Variants in GUCA1C observed in about 807,000 individuals in gnomAD.
GUCA1C encodes guanylate cyclase activator 1C.
In GUCA1C, 15 loss-of-function variants were observed where a neutral mutation model predicts 16.2. The observed-to-expected ratio is 0.93, with a 90% CI of 0.62 to 1.43. The LOEUF (loss-of-function observed/expected upper bound fraction) is 1.43, where lower values mean the gene tolerates loss of function less well. Ranked by LOEUF, GUCA1C falls within the 40% of genes most tolerant of loss-of-function variation. The probability of loss-of-function intolerance (pLI) is 0.00; values close to 1 mark genes in which losing one functional copy is unlikely to be tolerated. For missense variants in GUCA1C, 275 were observed against 244.8 expected (o/e 1.12, Z -0.82); for synonymous variants, 78 against 85.4 (o/e 0.91, Z 0.48).
intron 1 of GUCA1C, among the ~76,000 whole-genome samples, chr3:108,922,939 AATG>A (rs1946583515): frequency 6.6e-6 from 1 of 152,062 alleles, no homozygotes; most frequent in Non-Finnish European, 1.5e-5. Context: ...GTTTGCTGAG[AATG>A]ATGGTTTCCA....
intron 1 of GUCA1C, among the ~76,000 whole-genome samples, chr3:108,953,273 G>C (rs1946914444): frequency 6.6e-6 from 1 of 152,100 alleles, no homozygotes; most frequent in South Asian, 2.1e-4. Flanking sequence ...TTATTTAAAT[G>C]ATAGCATTAG....
chr3:108,928,313 T>C (rs886756747), intron 1 of GUCA1C, among the ~76,000 whole-genome samples: 1 of 152,184 alleles, frequency 6.6e-6, no homozygotes, highest in East Asian at 1.9e-4. Context: ...TATTGTTGAG[T>C]TTTAGGAGTT....
At chr3:108,925,991 G>A (rs889115433) in intron 1 of GUCA1C, among the ~76,000 whole-genome samples, 1 of 152,114 alleles carries the variant, frequency 6.6e-6, no homozygotes, top group Non-Finnish European at 1.5e-5. Context: ...GGAGGCTGAG[G>A]CAGGAGAATC....
At chr3:108,923,910 T>C (rs2107289263) in intron 1 of GUCA1C, among the ~76,000 whole-genome samples, 1 of 152,270 alleles carries the variant, frequency 6.6e-6, no homozygotes, top group Non-Finnish European at 1.5e-5. Context: ...TTTTTGCAGC[T>C]ATTGTGAAAG....
At chr3:108,914,992 A>G (rs1185621901) in intron 3 of GUCA1C, among the ~76,000 whole-genome samples, 1 of 152,226 alleles carries the variant, frequency 6.6e-6, no homozygotes, top group African/African-American at 2.4e-5. Context: ...GGAGAGGCAG[A>G]TCTACACCGA....
chr3:108,913,978 A>C (rs2107275785), intron 3 of GUCA1C, among the ~76,000 whole-genome samples: 1 of 152,216 alleles, frequency 6.6e-6, no homozygotes, highest in Non-Finnish European at 1.5e-5. Context: ...AGGCAGAAGA[A>C]TTGCTTGAAC....
intron 1 of GUCA1C, among the ~76,000 whole-genome samples, chr3:108,936,339 CA>C (rs201470844): frequency 2.7e-5 from 4 of 148,506 alleles, no homozygotes; most frequent in South Asian, 2.1e-4. Flanking sequence ...ATTAATTTTT[CA>C]AAAAAAAAGA....
intron 1 of GUCA1C, among the ~76,000 whole-genome samples, chr3:108,952,569 CT>C (rs1328236407): frequency 6.6e-6 from 1 of 152,144 alleles, no homozygotes; most frequent in Non-Finnish European, 1.5e-5. Flanking sequence ...CTGTTACCTC[CT>C]TTTAAGTCAC....
intron 1 of GUCA1C, among the ~76,000 whole-genome samples, chr3:108,941,363 G>A (rs1946784391): frequency 1.3e-5 from 2 of 152,168 alleles, no homozygotes; most frequent in South Asian, 4.1e-4. Context: ...TGAACCTAAT[G>A]CTGACAACTG....
In GUCA1C at chr3:108,949,267, T is replaced by A. The variant is rs553031298; in HGVS notation, c.204+4292A>T. ...TAAGGAGTTTACTTGGAGAAATCCA[T>A]GTGTGGAAGGAAACAGGGAGGGAGT... On this transcript the variant is annotated intron_variant, in intron 1 of 3. Coordinates refer to ENST00000261047, the MANE Select transcript of GUCA1C (RefSeq NM_005459.4). Among the ~76,000 whole-genome samples the A allele has an allele frequency of 8.1e-4, 124 of 152,270 alleles. 3 individuals are homozygous for A. Among genetic ancestry groups the A allele is most frequent in the African/African-American group, 2.8e-3 (118 of 41,562 alleles).
chr3:108,917,297 TA>T (rs1156441824), intron 2 of GUCA1C, among the ~76,000 whole-genome samples: 2 of 152,122 alleles, frequency 1.3e-5, no homozygotes, highest in Admixed American at 1.3e-4. Flanking sequence ...AAAGTCATGA[TA>T]AAAAATTGTG....
chr3:108,953,552 A>C lies in GUCA1C; in HGVS notation c.204+7T>G, dbSNP rs1439927163. On this transcript the variant is annotated splice_region_variant and intron_variant, in intron 1 of 3. Coordinates refer to ENST00000261047, the MANE Select transcript of GUCA1C (RefSeq NM_005459.4). ...TTTCAAATGAAATGAAAAATGAAAG[A>C]TCTTACCTTGTTCGTGTCAAAGGTA... 6.4e-7 allele frequency: 1 copy of C among 1,562,126 alleles called. No individual in the cohort carries two copies. Among genetic ancestry groups the C allele is most frequent in the Non-Finnish European group, 8.8e-7 (1 of 1,133,050 alleles).
At chr3:108,952,831 A>G (rs567649110) in intron 1 of GUCA1C, among the ~76,000 whole-genome samples, 1 of 152,094 alleles carries the variant, frequency 6.6e-6, no homozygotes, top group Non-Finnish European at 1.5e-5. Flanking sequence ...GCAGAACCTG[A>G]GCCTGATATT....
rs569342979 is a variant in GUCA1C, at chr3:108,918,676, A to G, written c.354+1760T>C. The stretch of plus-strand genomic sequence containing the variant: ...ACTATCTCCTTTGTAGAGCCTGCCT[A>G]TACTGTGGTACTTCCTTGCAATCTC... On this transcript the variant is annotated intron_variant, in intron 2 of 3. Coordinates refer to ENST00000261047, the MANE Select transcript of GUCA1C (RefSeq NM_005459.4). Among the ~76,000 whole-genome samples, 29 of 152,286 alleles carry G rather than the reference A, an allele frequency of 1.9e-4. No homozygotes were observed. The East Asian group carries it at 2.3e-3, about 12-fold the overall frequency.
intron 1 of GUCA1C, among the ~76,000 whole-genome samples, chr3:108,939,679 T>C (rs1056553805): frequency 3.3e-5 from 5 of 151,908 alleles, no homozygotes; most frequent in African/African-American, 1.2e-4. Context: ...TCAGAAGAAC[T>C]GCTTCTGAAT....
At chr3:108,947,385 CA>C (rs1259657965) in intron 1 of GUCA1C, among the ~76,000 whole-genome samples, 1 of 152,042 alleles carries the variant, frequency 6.6e-6, no homozygotes, top group African/African-American at 2.4e-5. Context: ...TTTGCTGTCT[CA>C]GGGGTGGCAG....
chr3:108,926,053 C>A lies in GUCA1C; in HGVS notation c.205-5468G>T, dbSNP rs368267671. Among the ~76,000 whole-genome samples, 11 of 152,090 alleles carry A rather than the reference C, an allele frequency of 7.2e-5. No homozygotes were observed. In the South Asian group the frequency reaches 2.1e-3, roughly 29 times the overall value. On this transcript the variant is annotated intron_variant, in intron 1 of 3. Coordinates refer to ENST00000261047, the MANE Select transcript of GUCA1C (RefSeq NM_005459.4). ...AGTGAGCTGAGATCATGCCATTGCA[C>A]TCCAGCCTGGGTGACAGAGCAAGAC... is the stretch of plus-strand genomic sequence containing the variant.
chr3:108,940,643 A>G (rs1408886779), intron 1 of GUCA1C, among the ~76,000 whole-genome samples: 1 of 152,256 alleles, frequency 6.6e-6, no homozygotes, highest in Non-Finnish European at 1.5e-5. Flanking sequence ...ATGGCAGGAA[A>G]GCAACTCCTG....
upstream of GUCA1C, among the ~76,000 whole-genome samples, chr3:108,954,971 C>T (rs2107325565): frequency 6.6e-6 from 1 of 152,220 alleles, no homozygotes; most frequent in East Asian, 1.9e-4. Context: ...CTCCTGACCT[C>T]ATGATCCGCC....
Sources: gnomAD v4.1 joint callset for allele counts (sites outside exome capture counted in the v4.1 genomes callset) on GRCh38, gnomAD v4.1.1 for gene constraint, MANE v1.5 for transcripts, NCBI Gene and HGNC (gene_info 2026-07-23, HGNC 2026-07-21) for gene names.